KIAA0232: variants seen among roughly 807,000 people sequenced by gnomAD.
KIAA0232 encodes KIAA0232.
KIAA0232 carries 27 observed loss-of-function variants against 122.0 expected under a neutral mutation model. The observed-to-expected ratio is 0.22, with a 90% CI of 0.16 to 0.31. The LOEUF is 0.31. KIAA0232 is among the 10% of genes least tolerant of loss of function. KIAA0232 has a pLI of 1.00. For missense variants in KIAA0232, 1,551 were observed against 1,634.2 expected (o/e 0.95, Z 0.88); for synonymous variants, 613 against 587.6 (o/e 1.04, Z -0.63).
At chr4:6,795,152 G>A (rs1311965434) in intron 1 of KIAA0232, among the ~76,000 whole-genome samples, 1 of 152,134 alleles carries the variant, frequency 6.6e-6, no homozygotes, top group East Asian at 1.9e-4. Flanking sequence ...CTTACTGCAA[G>A]CTCCGCCTTC....
At chr4:6,800,127 G>A (rs1351802113) in intron 1 of KIAA0232, among the ~76,000 whole-genome samples, 1 of 125,074 alleles carries the variant, frequency 8.0e-6, no homozygotes, top group Non-Finnish European at 1.6e-5. Context: ...GCATGATCTC[G>A]GCTGACTGCA....
intron 3 of KIAA0232, among the ~76,000 whole-genome samples, chr4:6,833,343 A>C (rs1054824412): frequency 6.6e-6 from 1 of 152,242 alleles, no homozygotes; most frequent in Admixed American, 6.5e-5. Context: ...CCAGGAAGAA[A>C]GCCAGGAGTA....
In KIAA0232 at chr4:6,863,035, C is replaced by T; in HGVS notation, c.2653C>T (p.Leu885=). 1.9e-6 allele frequency: 3 copies of T among 1,614,198 alleles called. No homozygotes were observed. The highest frequency in any genetic ancestry group is 2.5e-6 in the Non-Finnish European group (3 of 1,180,030). ...DKAVRRSEYH[L]WEGQKESLEK... The stretch of plus-strand genomic sequence containing the variant: ...GGCTGTGCGGAGGTCAGAGTACCAT[C>T]TGTGGGAGGGACAGAAAGAGAGCCT... Residue 885 remains leucine, a synonymous_variant, in exon 7 of 10, where the codon CTG becomes TTG. Coordinates refer to ENST00000307659, the MANE Select transcript of KIAA0232 (RefSeq NM_014743.3).
chr4:6,840,088 C>T (rs1367613215), intron 3 of KIAA0232, among the ~76,000 whole-genome samples: 1 of 152,128 alleles, frequency 6.6e-6, no homozygotes, highest in African/African-American at 2.4e-5. Context: ...AGAAGTTGGG[C>T]TGGCCCCTGT....
intron 7 of KIAA0232, chr4:6,866,118 T>C (rs1396688084): frequency 2.2e-6 from 1 of 448,038 alleles, no homozygotes; most frequent in African/African-American, 2.1e-5. Context: ...TGTTAGCCTT[T>C]ATCTGTTTGT....
rs547486531 is a variant in KIAA0232, at chr4:6,861,919, G to C, written c.1537G>C (p.Asp513His). 6.2e-7 allele frequency: 1 copy of C among 1,613,934 alleles called. No homozygotes were observed. Among genetic ancestry groups the C allele is most frequent in the East Asian group, 2.2e-5 (1 of 44,880 alleles). The change falls in exon 7 of 10, where the codon GAT (aspartate) becomes CAT (histidine). Residue 513 changes from aspartate (D) to histidine (H), a missense_variant. Asp to His is a moderately conservative substitution (Grantham distance 81, BLOSUM62 -1). Coordinates refer to ENST00000307659, the MANE Select transcript of KIAA0232 (RefSeq NM_014743.3). ...LSELTHFYEV[D>H]IDQSMLDPGA... ...AGAATTAACGCACTTCTATGAAGTG[G>C]ATATTGATCAATCCATGTTGGATCC...
At chr4:6,805,637 T>C (rs1717580300) in intron 2 of KIAA0232, among the ~76,000 whole-genome samples, 1 of 152,212 alleles carries the variant, frequency 6.6e-6, no homozygotes, top group Non-Finnish European at 1.5e-5. Context: ...GTAGAATTTA[T>C]ATGCCCAGAC....
In KIAA0232 at chr4:6,882,901, C is replaced by T. The variant is rs1238855953; in HGVS notation, c.*1935C>T. On this transcript the variant is annotated 3_prime_UTR_variant, in exon 10 of 10. Coordinates refer to ENST00000307659, the MANE Select transcript of KIAA0232 (RefSeq NM_014743.3). ...CCAAATAAATAGATTTCAGACACAACCTTGAGCACAGTTGATTTTGGACAG... is the reference window on the plus strand; with the variant it reads ...CCAAATAAATAGATTTCAGACACAATCTTGAGCACAGTTGATTTTGGACAG... 1 of 152,536 alleles carries T rather than the reference C, an allele frequency of 6.6e-6. No homozygotes were observed. The highest frequency in any genetic ancestry group is 1.5e-5 in the Non-Finnish European group (1 of 68,026). The allele number at this position is 152,536 out of a possible 1,614,324, so 9.4% of individuals were successfully genotyped here.
chr4:6,872,178 G>A (rs1049901587), intron 8 of KIAA0232, among the ~76,000 whole-genome samples: 10 of 152,178 alleles, frequency 6.6e-5, no homozygotes, highest in Admixed American at 4.6e-4. Flanking sequence ...ATTGGAGGTT[G>A]TCAAGGTCAG....
rs777178116 is a variant in KIAA0232 at position 6,861,110 on chromosome 4, T to G, written c.728T>G (p.Val243Gly). 1 of 1,614,186 alleles carries G rather than the reference T, an allele frequency of 6.2e-7. No individual in the cohort carries two copies. Among genetic ancestry groups the G allele is most frequent in the South Asian group, 1.1e-5 (1 of 91,086 alleles). The part of the protein sequence containing the change: ...KERSSEVPTT[V>G]HEKTQSKSKN... ...AGAAGCAGTGAAGTACCCACCACTGTGCATGAGAAAACCCAGAGCAAAAGC... is the reference window on the plus strand; with the variant it reads ...AGAAGCAGTGAAGTACCCACCACTGGGCATGAGAAAACCCAGAGCAAAAGC... The change falls in exon 7 of 10, where the codon GTG becomes GGG. Residue 243 changes from valine (V) to glycine (G), a missense_variant. Physicochemically the swap from Val to Gly is moderately radical, Grantham distance 109. This residue lies in a region of KIAA0232 where 377 missense variants were observed against 381.7 expected (regional missense o/e 0.99). Coordinates refer to ENST00000307659, the MANE Select transcript of KIAA0232 (RefSeq NM_014743.3).
chr4:6,862,569 T>C lies in KIAA0232; in HGVS notation c.2187T>C (p.Ile729=). 1 of 1,613,750 alleles carries C rather than the reference T, an allele frequency of 6.2e-7. No homozygotes were observed. The highest frequency in any genetic ancestry group is 2.2e-5 in the East Asian group (1 of 44,872). The change falls in exon 7 of 10, where the codon ATT becomes ATC. Residue 729 remains isoleucine (I), a synonymous_variant. Coordinates refer to ENST00000307659, the MANE Select transcript of KIAA0232 (RefSeq NM_014743.3). ...ETRSDNETLN[I]QFEESTQFNA... ...GTTCAGACAATGAAACATTAAATATTCAGTTTGAAGAATCCACACAGTTTA... is the reference window on the plus strand; with the variant it reads ...GTTCAGACAATGAAACATTAAATATCCAGTTTGAAGAATCCACACAGTTTA...
chr4:6,797,998 C>T (rs1399348588), intron 1 of KIAA0232, among the ~76,000 whole-genome samples: 4 of 149,122 alleles, frequency 2.7e-5, no homozygotes, highest in Non-Finnish European at 5.9e-5. Context: ...GTGGAGCTTG[C>T]AGTGAGCTGA....
intron 6 of KIAA0232, among the ~76,000 whole-genome samples, chr4:6,860,244 G>T (rs974363007): frequency 6.6e-6 from 1 of 152,136 alleles, no homozygotes; most frequent in East Asian, 1.9e-4. Context: ...TCACAACCCT[G>T]AGAGGTAAAT....
At chr4:6,802,523 C>T (rs1430693928) in intron 1 of KIAA0232, among the ~76,000 whole-genome samples, 2 of 152,100 alleles carry the variant, frequency 1.3e-5, no homozygotes, top group African/African-American at 2.4e-5. Context: ...TTCTCTTTCT[C>T]TGTGACTCTT....
At chr4:6,813,511 T>C (rs917217150) in intron 2 of KIAA0232, among the ~76,000 whole-genome samples, 12 of 152,106 alleles carry the variant, frequency 7.9e-5, no homozygotes, top group South Asian at 2.1e-4. Flanking sequence ...TACAGGTGCC[T>C]GCCACCACGC....
At chr4:6,805,397 C>T (rs894836665) in intron 2 of KIAA0232, among the ~76,000 whole-genome samples, 4 of 152,092 alleles carry the variant, frequency 2.6e-5, no homozygotes, top group African/African-American at 9.7e-5. Context: ...ATAAACTTTT[C>T]ATATAGAATT....
intron 7 of KIAA0232, 36 bp from the exon 8 acceptor site, chr4:6,871,538 T>G (rs779205980): frequency 8.2e-7 from 1 of 1,226,428 alleles, no homozygotes; most frequent in Admixed American, 1.9e-5. Flanking sequence ...CCTGAAAGTT[T>G]ATAAACTTTT....
At chr4:6,874,245 C>A (rs1375100900) in intron 8 of KIAA0232, among the ~76,000 whole-genome samples, 3 of 152,236 alleles carry the variant, frequency 2.0e-5, no homozygotes, top group African/African-American at 7.2e-5. Context: ...GTGTCCCTGT[C>A]CTCCCCCTGC....
At chr4:6,784,400 A>G (rs1716513564) in intron 1 of KIAA0232, among the ~76,000 whole-genome samples, 1 of 141,936 alleles carries the variant, frequency 7.0e-6, no homozygotes, top group Non-Finnish European at 1.5e-5. Context: ...CACTTTGACC[A>G]TTTCGTGGAC....
Sources: allele counts gnomAD v4.1 joint callset (sites outside exome capture counted in the v4.1 genomes callset), GRCh38; gene constraint gnomAD v4.1.1; regional missense constraint gnomAD v4.1.1; transcripts MANE v1.5; gene names NCBI Gene and HGNC (gene_info 2026-07-23, HGNC 2026-07-21).